Variants in BMP1 observed in about 807,000 individuals in gnomAD.
The protein encoded by BMP1 is mammalian tolloid protein.
A neutral mutation model predicts 116.8 loss-of-function variants in BMP1; 63 were observed. That is an observed-to-expected ratio of 0.54 (90% confidence interval 0.44 to 0.67). The LOEUF is 0.67. Ranked by LOEUF, BMP1 falls within the 30% of genes least tolerant of loss-of-function variation. The pLI is 0.00. For missense variants in BMP1, 1,183 were observed against 1,358.9 expected, an observed-to-expected ratio of 0.87 and a Z score of 2.04; for synonymous variants, 536 against 533.4, an observed-to-expected ratio of 1.00 and a Z score of -0.07.
chr8:22,203,489 G>T (rs1246895542), intron 16 of BMP1, among the ~76,000 whole-genome samples: 1 of 152,050 alleles, frequency 6.6e-6, no homozygotes, highest in East Asian at 1.9e-4. Context: ...CCTGGAAGGC[G>T]GAGGTTGCAG....
chr8:22,197,258 G>C lies in BMP1; in HGVS notation c.1945G>C (p.Val649Leu). 5.6e-6 allele frequency: 9 copies of C among 1,611,494 alleles called. No homozygotes were observed. Among genetic ancestry groups the C allele is most frequent in the Non-Finnish European group, 7.6e-6 (9 of 1,177,832 alleles). Residue 649 changes from valine to leucine, a missense_variant, in exon 15 of 20, where the codon GTG (valine) becomes CTG (leucine). Physicochemically the swap from Val to Leu is conservative, Grantham distance 32. This residue lies in a region of BMP1 where 956 missense variants were observed against 1,135.2 expected (regional missense o/e 0.84). Transcript: ENST00000306385. Reference protein sequence around the residue: ...EGNDVCKYDFVEVRSGLTADS... With the variant: ...EGNDVCKYDFLEVRSGLTADS... ...CCTGCAGGTGTGCAAGTACGACTTC[G>C]TGGAGGTGCGCAGTGGACTCACAGC...
intron 1 of BMP1, 36 bp downstream of exon 1, chr8:22,165,589 CG>C: frequency 6.6e-7 from 1 of 1,509,718 alleles, no homozygotes; most frequent in Admixed American, 2.3e-5. Context: ...ACGGGCCAGG[CG>C]GGGAGGCGCG....
intron 9 of BMP1, among the ~76,000 whole-genome samples, chr8:22,192,643 C>T (rs773556519): frequency 1.3e-5 from 2 of 152,178 alleles, no homozygotes; most frequent in Non-Finnish European, 2.9e-5. Context: ...GCACACTGGG[C>T]GCCGTGGCCC....
rs773817269 is a variant in BMP1, at chr8:22,206,769, G to A, written c.2234-85G>A. The A allele has an allele frequency of 5.7e-4, 898 of 1,564,592 alleles. 1 individual carries two copies. The highest frequency in any genetic ancestry group is 7.5e-4 in the Non-Finnish European group (858 of 1,141,796). On this transcript the variant is annotated intron_variant, in intron 16 of 19. Coordinates refer to ENST00000306385, the MANE Select transcript of BMP1 (RefSeq NM_006129.5). ...GACAAGAGATGGAAGAAAGGAGGGG[G>A]GGCAGGAGGGAAGGGCCTTCCCCAC...
At chr8:22,180,256 C>T in intron 7 of BMP1, 112 bp from the exon 8 acceptor site, 1 of 840,116 alleles carries the variant, frequency 1.2e-6, no homozygotes, top group Non-Finnish European at 2.0e-6. Flanking sequence ...CCCTCCCACT[C>T]CTCAGGCATT....
At chr8:22,200,816 C>G (rs1829238317) in intron 15 of BMP1, among the ~76,000 whole-genome samples, 1 of 152,168 alleles carries the variant, frequency 6.6e-6, no homozygotes, top group Non-Finnish European at 1.5e-5. Flanking sequence ...CCAGTTCTCT[C>G]CTTCCCTGAT....
intron 16 of BMP1, among the ~76,000 whole-genome samples, chr8:22,204,315 C>T (rs1296890618): frequency 6.6e-6 from 1 of 152,192 alleles, no homozygotes; most frequent in Non-Finnish European, 1.5e-5. Context: ...TTTCCGGGCC[C>T]TCGTGCTGTA....
In BMP1 at chr8:22,209,614, C is replaced by T. The variant is rs374251317; in HGVS notation, c.2745C>T (p.Thr915=). Residue 915 remains threonine (T), a synonymous_variant, in exon 19 of 20, where the codon ACC becomes ACT. Transcript: ENST00000306385. ...VFQTFEVEEE[T]DCGYDYMELF... is the part of the protein sequence containing the mutation. ...AGACCTTTGAGGTGGAGGAGGAGAC[C>T]GACTGCGGCTATGACTACATGGAGC... 43 of 1,614,174 alleles carry T rather than the reference C, an allele frequency of 2.7e-5. No homozygotes were observed. The highest frequency in any genetic ancestry group is 3.3e-5 in the Admixed American group (2 of 60,028).
Position 22,197,125 on chromosome 8 carries a change from G to T in BMP1, c.1927-115G>T, listed in dbSNP as rs558033941. Reference sequence around the variant, plus strand: ...GGCGAGTACAGGAGGATCCAGTGAGGGGGCGTAGCTAAGTCAAGGCTAAAG... The same window carrying T: ...GGCGAGTACAGGAGGATCCAGTGAGTGGGCGTAGCTAAGTCAAGGCTAAAG... On this transcript the variant is annotated intron_variant, in intron 14 of 19. Coordinates refer to ENST00000306385, the MANE Select transcript of BMP1 (RefSeq NM_006129.5). 3 of 1,348,334 alleles carry T rather than the reference G, an allele frequency of 2.2e-6. No individual in the cohort carries two copies. The South Asian group carries it at 4.2e-5, about 19-fold the overall frequency. 83.5% of individuals were successfully genotyped at this position (1,348,334 alleles called of 1,614,324 possible).
At chr8:22,169,972 C>A (rs1463921624) in intron 1 of BMP1, 1 of 152,228 alleles carries the variant, frequency 6.6e-6, no homozygotes, top group Non-Finnish European at 1.5e-5. Flanking sequence ...TAAGGAGAGA[C>A]CTCCTAGACT....
chr8:22,197,835 C>T (rs3857979), intron 15 of BMP1, among the ~76,000 whole-genome samples: 66,697 of 151,948 alleles, frequency 0.44, 15,382 homozygotes, highest in Non-Finnish European at 0.53. Context: ...CTGGCAGTGG[C>T]GGACTTCTAA....
chr8:22,168,227 G>A (rs1179060623), intron 1 of BMP1, among the ~76,000 whole-genome samples: 1 of 152,164 alleles, frequency 6.6e-6, no homozygotes, highest in Non-Finnish European at 1.5e-5. Flanking sequence ...GTCTGTTTGT[G>A]TGCTCAGAGC....
At chr8:22,203,691 C>T (rs1477118028) in intron 16 of BMP1, among the ~76,000 whole-genome samples, 1 of 152,194 alleles carries the variant, frequency 6.6e-6, no homozygotes, top group Non-Finnish European at 1.5e-5. Context: ...CAGGTTTAAA[C>T]AGATGAGCTG....
chr8:22,211,162 A>G (rs929317766), intron 19 of BMP1, among the ~76,000 whole-genome samples: 1 of 152,198 alleles, frequency 6.6e-6, no homozygotes, highest in Non-Finnish European at 1.5e-5. Context: ...CTTCCCTAAG[A>G]GTCCACTGGG....
chr8:22,183,819 G>A (rs575627282), intron 8 of BMP1, among the ~76,000 whole-genome samples: 2 of 152,002 alleles, frequency 1.3e-5, no homozygotes, highest in African/African-American at 2.4e-5. Context: ...GAGGTGATTC[G>A]CCTGCCTCGG....
At chr8:22,206,456 C>A (rs1477108479) in intron 16 of BMP1, among the ~76,000 whole-genome samples, 1 of 148,928 alleles carries the variant, frequency 6.7e-6, no homozygotes, top group Non-Finnish European at 1.5e-5. Context: ...GAGCCGAGAT[C>A]ACACCACTGC....
At chr8:22,199,018 C>T (rs751115227) in intron 15 of BMP1, 5 of 1,325,126 alleles carry the variant, frequency 3.8e-6, no homozygotes, top group Non-Finnish European at 5.0e-6. Context: ...TTCTGTTGCT[C>T]CAGTCTTGGA....
chr8:22,181,744 A>G (rs545815832), intron 8 of BMP1, among the ~76,000 whole-genome samples: 1 of 152,172 alleles, frequency 6.6e-6, no homozygotes, highest in African/African-American at 2.4e-5. Flanking sequence ...TGGTCGAGAC[A>G]GGGTTTCGCC....
chr8:22,207,596 T>G (rs763453671), intron 18 of BMP1, 80 bp downstream of exon 18: 123 of 1,506,330 alleles, frequency 8.2e-5, no homozygotes, highest in Non-Finnish European at 1.0e-4. Flanking sequence ...AATGCGGGTA[T>G]GAAGGTACAG....
Sources: allele counts gnomAD v4.1 joint callset (sites outside exome capture counted in the v4.1 genomes callset), GRCh38; gene constraint gnomAD v4.1.1; regional missense constraint gnomAD v4.1.1; transcripts MANE v1.5; gene names NCBI Gene and HGNC (gene_info 2026-07-23, HGNC 2026-07-21).